The following ANKRD30B variants were observed in gnomAD, a reference collection of about 807,000 sequenced individuals.
The protein encoded by ANKRD30B is ankyrin repeat domain-containing protein 30B.
Under a neutral mutation model 202.2 loss-of-function variants are expected in ANKRD30B, and 144 were observed. The observed-to-expected ratio is 0.71, with a 90% CI of 0.62 to 0.82. ANKRD30B has a LOEUF of 0.82. ANKRD30B is among the 40% of genes least tolerant of loss of function. The probability of loss-of-function intolerance (pLI) is 0.00; values close to 1 mark genes in which losing one functional copy is unlikely to be tolerated. For missense variants in ANKRD30B, 1,487 were observed against 1,669.1 expected, an observed-to-expected ratio of 0.89 and a Z score of 1.90; for synonymous variants, 508 against 561.3, an observed-to-expected ratio of 0.91 and a Z score of 1.34.
At chr18:14,777,467 T>G (rs1429943963) in intron 9 of ANKRD30B, among the ~76,000 whole-genome samples, 2 of 151,658 alleles carry the variant, frequency 1.3e-5, no homozygotes, top group Non-Finnish European at 2.9e-5. Context: ...CAGGCTAATT[T>G]TTGTATTTTT....
the ANKRD30B span, chr18:14,903,749 T>G: frequency 6.6e-6 from 1 of 152,190 alleles, no homozygotes; most frequent in Non-Finnish European, 1.5e-5. Flanking sequence ...TTCTGCCGGT[T>G]AAGCCACCCT....
intron 11 of ANKRD30B, among the ~76,000 whole-genome samples, chr18:14,781,159 G>A (rs1967711753): frequency 6.6e-6 from 1 of 152,172 alleles, no homozygotes; most frequent in Non-Finnish European, 1.5e-5. Context: ...ATAAACATAA[G>A]TTTTCCTTAC....
the ANKRD30B span, among the ~76,000 whole-genome samples, chr18:14,909,690 A>C: frequency 6.6e-6 from 1 of 152,204 alleles, no homozygotes; most frequent in Non-Finnish European, 1.5e-5. Context: ...TACAGGCATG[A>C]GTCACTGCGC....
chr18:14,787,141 T>A lies in ANKRD30B; in HGVS notation c.1734+41T>A, dbSNP rs745460831. ...GATTTTTTTAAATATTAGTATTGCA[T>A]GAGATGAAAACATAAAATCAGATGC... On this transcript the variant is annotated intron_variant, in intron 15 of 43. Coordinates refer to ENST00000690538, the MANE Select transcript of ANKRD30B (RefSeq NM_001367607.2). 182 of 1,541,328 alleles carry A rather than the reference T, an allele frequency of 1.2e-4. 2 individuals carry two copies. The Admixed American group carries it at 3.3e-3, about 28-fold the overall frequency.
the ANKRD30B span, among the ~76,000 whole-genome samples, chr18:14,879,101 TCTC>T: frequency 1.3e-5 from 2 of 151,720 alleles, no homozygotes; most frequent in African/African-American, 4.9e-5. Flanking sequence ...AGAGCAGTGT[TCTC>T]CTCAGCACAG....
At chr18:14,873,550 G>T in the ANKRD30B span, among the ~76,000 whole-genome samples, 1 of 143,208 alleles carries the variant, frequency 7.0e-6, no homozygotes, top group Non-Finnish European at 1.5e-5. Context: ...AAAAAAGAGA[G>T]AATTTGGGCT....
At chr18:14,755,122 A>G (rs987630169) in intron 4 of ANKRD30B, 117 bp downstream of exon 4, 6 of 568,556 alleles carry the variant, frequency 1.1e-5, no homozygotes, top group Non-Finnish European at 1.7e-5. Context: ...ATTATAGTGA[A>G]ACATATCAAC....
Position 14,788,319 on chromosome 18 carries a change from G to C in ANKRD30B, c.1734+1219G>C, listed in dbSNP as rs374192248. The stretch of plus-strand genomic sequence containing the variant: ...GAACATGATTTGTTTTTCCTGCTCA[G>C]TAACCAAGTTAATGGCCACATGAAT... On this transcript the variant is annotated intron_variant, in intron 15 of 43. Transcript: ENST00000690538. Among the ~76,000 whole-genome samples, 5 of 152,258 alleles carry C rather than the reference G, an allele frequency of 3.3e-5. No homozygotes were observed. The South Asian group carries it at 1.0e-3, about 32-fold the overall frequency.
At chr18:14,896,930 TAA>T in the ANKRD30B span, among the ~76,000 whole-genome samples, 1 of 100,010 alleles carries the variant, frequency 1.0e-5, no homozygotes, top group Admixed American at 1.0e-4. Context: ...ACAGAAAAAA[TAA>T]AATGAGTGCT....
the ANKRD30B span, among the ~76,000 whole-genome samples, chr18:14,926,246 C>A: frequency 6.6e-6 from 1 of 152,136 alleles, no homozygotes; most frequent in Non-Finnish European, 1.5e-5. Flanking sequence ...AATCGGCTCA[C>A]CTGCATTTTG....
At chr18:14,856,517 C>G (rs1254209187), downstream of ANKRD30B, among the ~76,000 whole-genome samples, 1 of 139,618 alleles carries the variant, frequency 7.2e-6, no homozygotes, top group Non-Finnish European at 1.6e-5. Flanking sequence ...GAGAGGTGCT[C>G]CTCACCTCCC....
chr18:14,786,840 A>G (rs1968113799), intron 14 of ANKRD30B, among the ~76,000 whole-genome samples, 199 bp from the exon 15 acceptor site: 1 of 152,208 alleles, frequency 6.6e-6, no homozygotes, highest in Non-Finnish European at 1.5e-5. Flanking sequence ...TTCTAATGAA[A>G]TAATGTTAAT....
At chr18:14,929,475 G>A in the ANKRD30B span, among the ~76,000 whole-genome samples, 36 of 152,280 alleles carry the variant, frequency 2.4e-4, no homozygotes, top group Admixed American at 1.5e-3. Context: ...TGGCCTACAC[G>A]AGGCCCTTAT....
chr18:14,925,584 G>T, the ANKRD30B span, among the ~76,000 whole-genome samples: 1 of 152,224 alleles, frequency 6.6e-6, no homozygotes, highest in Non-Finnish European at 1.5e-5. Context: ...AGGTTTTGTG[G>T]GCAAGGCCCA....
In ANKRD30B at chr18:14,851,855, C is replaced by T; in HGVS notation, c.3911C>T (p.Ala1304Val). 2 of 1,585,974 alleles carry T rather than the reference C, an allele frequency of 1.3e-6. No individual in the cohort carries two copies. The highest frequency in any genetic ancestry group is 1.7e-6 in the Non-Finnish European group (2 of 1,165,832). The change falls in exon 42 of 44, where the codon GCT (alanine) becomes GTT (valine). Residue 1304 changes from alanine to valine, a missense_variant. Transcript: ENST00000690538. ...TCACACCATCCTAGACTGGCTTCTG[C>T]TTTACAAGACCATGATCAAAGTGTC... ...IESHHPRLASALQDHDQSVTS... is the reference protein window; with the variant it reads ...IESHHPRLASVLQDHDQSVTS...
the ANKRD30B span, among the ~76,000 whole-genome samples, chr18:14,897,116 G>C: frequency 1.3e-5 from 2 of 152,122 alleles, no homozygotes; most frequent in Non-Finnish European, 2.9e-5. Context: ...CTAATCGAGA[G>C]ATAAAAGTAC....
chr18:14,799,034 C>G lies in ANKRD30B; in HGVS notation c.2030-67C>G, dbSNP rs545976652. On this transcript the variant is annotated intron_variant, in intron 20 of 43. Transcript: ENST00000690538. ...GAGGATTCGTCTTCATATTCACACT[C>G]TATGAACGTTTGGTAGGCTTTGTCA... is the stretch of plus-strand genomic sequence containing the variant. 3.0e-5 allele frequency: 41 copies of G among 1,388,040 alleles called. No homozygotes were observed. The East Asian group carries it at 4.4e-4, about 15-fold the overall frequency. The allele number at this position is 1,388,040 out of a possible 1,614,324, so 86.0% of individuals were successfully genotyped here.
chr18:14,917,959 G>A, the ANKRD30B span, among the ~76,000 whole-genome samples: 2 of 152,294 alleles, frequency 1.3e-5, no homozygotes, highest in East Asian at 3.9e-4. Context: ...TAATTTTGCT[G>A]GGGAAGTCTC....
intron 16 of ANKRD30B, 28 bp downstream of exon 16, chr18:14,791,519 C>T (rs1350360358): frequency 6.5e-7 from 1 of 1,537,846 alleles, no homozygotes; most frequent in East Asian, 2.3e-5. Context: ...ATTAAAAAGT[C>T]ATTTGACCAA....
Sources: gnomAD v4.1 joint callset for allele counts (sites outside exome capture counted in the v4.1 genomes callset) on GRCh38, gnomAD v4.1.1 for gene constraint, MANE v1.5 for transcripts, NCBI Gene and HGNC (gene_info 2026-07-23, HGNC 2026-07-21) for gene names.